NTN1: variants seen among roughly 807,000 people sequenced by gnomAD.
NTN1 encodes netrin-1.
NTN1 carries 11 observed loss-of-function variants against 54.2 expected under a neutral mutation model. The observed-to-expected ratio is 0.20, with a 90% CI of 0.13 to 0.34. The LOEUF is 0.34. Among genes scored for constraint, NTN1 ranks in the 10% least tolerant of loss-of-function variants. The pLI is 1.00. For synonymous variants in NTN1, 371 were observed against 382.0 expected, an observed-to-expected ratio of 0.97 and a Z score of 0.33; for missense variants, 740 against 893.1, an observed-to-expected ratio of 0.83 and a Z score of 2.18.
At chr17:9,044,051 C>T (rs969143863) in intron 2 of NTN1, among the ~76,000 whole-genome samples, 1 of 151,986 alleles carries the variant, frequency 6.6e-6, no homozygotes, top group Admixed American at 6.6e-5. Flanking sequence ...TAGCGTTGAC[C>T]ACTTCCCATA....
intron 5 of NTN1, among the ~76,000 whole-genome samples, chr17:9,215,250 T>TACACACACACACACACAC (rs58245153): frequency 1.4e-5 from 2 of 138,210 alleles, no homozygotes; most frequent in African/African-American, 5.4e-5. Context: ...GCTAGATAGA[T>TACACACACACACACACAC]ACACACACAC....
chr17:9,015,828 T>C, the NTN1 span, among the ~76,000 whole-genome samples: 1 of 152,142 alleles, frequency 6.6e-6, no homozygotes, highest in African/African-American at 2.4e-5. Flanking sequence ...CCCAGCACTT[T>C]GGGAGGCCAA....
chr17:9,188,619 G>A (rs990296552), intron 5 of NTN1, among the ~76,000 whole-genome samples: 1 of 152,114 alleles, frequency 6.6e-6, no homozygotes, highest in Non-Finnish European at 1.5e-5. Context: ...TTGTCTTCCT[G>A]TCGCCTCACT....
At chr17:9,084,908 C>T (rs1007790655) in intron 2 of NTN1, among the ~76,000 whole-genome samples, 3 of 152,086 alleles carry the variant, frequency 2.0e-5, no homozygotes, top group Admixed American at 2.0e-4. Context: ...GCCTCGGCCT[C>T]CCAAAGTGCT....
chr17:9,059,333 T>C (rs1158170170), intron 2 of NTN1, among the ~76,000 whole-genome samples: 1 of 152,174 alleles, frequency 6.6e-6, no homozygotes, highest in Non-Finnish European at 1.5e-5. Flanking sequence ...TATTTAGAAC[T>C]GAAAACAGGT....
the NTN1 span, among the ~76,000 whole-genome samples, chr17:9,008,655 G>T: frequency 1.3e-5 from 2 of 152,300 alleles, no homozygotes; most frequent in South Asian, 2.1e-4. Flanking sequence ...ATTGTTTAGG[G>T]CTTTGGACAC....
At chr17:9,151,980 T>C (rs2092328854) in intron 2 of NTN1, among the ~76,000 whole-genome samples, 1 of 151,748 alleles carries the variant, frequency 6.6e-6, no homozygotes, top group African/African-American at 2.4e-5. Context: ...GCGGGGAGGA[T>C]TGAAAAAAGG....
chr17:9,221,155 C>CA lies in NTN1; in HGVS notation c.1412-12dup, dbSNP rs1555577924. The stretch of plus-strand genomic sequence containing the variant: ...TTAGTTTTTGTCTGTGCTCCCCCCC[C>CA]ACCCCCCTGCAGACTGCGATTCCTA... On this transcript the variant is annotated splice_polypyrimidine_tract_variant and intron_variant, in intron 5 of 6. Transcript: ENST00000173229. The surrounding 1 kb of genome is among the most constrained non-coding windows in gnomAD (Gnocchi z 4.5). The CA allele has an allele frequency of 1.1e-4, 168 of 1,551,378 alleles. No individual in the cohort carries two copies. In the East Asian group the frequency reaches 3.6e-3, roughly 33 times the overall value.
intron 2 of NTN1, among the ~76,000 whole-genome samples, chr17:9,077,217 A>G (rs1212143996): frequency 1.3e-5 from 2 of 152,234 alleles, no homozygotes; most frequent in Admixed American, 6.5e-5. Flanking sequence ...TTCAAAAGAA[A>G]AAAAAAGGAA....
chr17:9,205,130 A>G (rs1230709921), intron 5 of NTN1, among the ~76,000 whole-genome samples: 1 of 152,194 alleles, frequency 6.6e-6, no homozygotes, highest in African/African-American at 2.4e-5. Context: ...AAGTGCAGCA[A>G]CTTCTTGAAT....
At chr17:9,180,951 G>A (rs1236395559) in intron 4 of NTN1, among the ~76,000 whole-genome samples, 1 of 152,210 alleles carries the variant, frequency 6.6e-6, no homozygotes, top group African/African-American at 2.4e-5. Context: ...TTAGACAGCT[G>A]GGAGGAAATC....
chr17:9,202,053 CACAAAAAAAAAAAAAA>C (rs1904808380), intron 5 of NTN1, among the ~76,000 whole-genome samples: 14 of 23,530 alleles, frequency 5.9e-4, no homozygotes, highest in East Asian at 4.8e-3. Context: ...CACACACACA[CACAAAAAAAAAAAAAA>C]AAAAAAAAAA....
At chr17:9,010,150 A>T in the NTN1 span, among the ~76,000 whole-genome samples, 1 of 152,164 alleles carries the variant, frequency 6.6e-6, no homozygotes, top group South Asian at 2.1e-4. Context: ...GTCCCCAAGG[A>T]TCTTAAGCTG....
At chr17:9,237,196 A>G (rs77968791) in intron 6 of NTN1, among the ~76,000 whole-genome samples, 2,343 of 152,210 alleles carry the variant, frequency 0.015, 56 homozygotes, top group African/African-American at 0.053. Context: ...TGGAGTCTGG[A>G]AGTCCAAGAT....
In NTN1 at chr17:9,221,147, T is replaced by TGGCCCCCC; in HGVS notation, c.1412-21_1412-20insGGCCCCCC. ...CAGCCTAATTAGTTTTTGTCTGTGC[T>TGGCCCCCC]CCCCCCCCACCCCCCTGCAGACTGC... On this transcript the variant is annotated intron_variant, in intron 5 of 6. Transcript: ENST00000173229. The surrounding 1 kb of genome is among the most constrained non-coding windows in gnomAD (Gnocchi z 4.5). The TGGCCCCCC allele has an allele frequency of 2.3e-6, 3 of 1,303,796 alleles. No individual in the cohort carries two copies. The highest frequency in any genetic ancestry group is 3.1e-6 in the Non-Finnish European group (3 of 952,868). 80.8% of individuals were successfully genotyped at this position (1,303,796 alleles called of 1,614,324 possible).
At chr17:9,105,624 G>A (rs1055293252) in intron 2 of NTN1, among the ~76,000 whole-genome samples, 6 of 152,102 alleles carry the variant, frequency 3.9e-5, no homozygotes, top group African/African-American at 1.4e-4. Context: ...CCTAAAAGAT[G>A]TTTGGTTCCT....
intron 2 of NTN1, among the ~76,000 whole-genome samples, chr17:9,091,263 T>C (rs749618080): frequency 6.6e-6 from 1 of 152,198 alleles, no homozygotes; most frequent in Non-Finnish European, 1.5e-5. Flanking sequence ...CATTTTTCTC[T>C]ATGTTTTAGA....
At chr17:9,076,615 A>G (rs2092050915) in intron 2 of NTN1, among the ~76,000 whole-genome samples, 1 of 152,014 alleles carries the variant, frequency 6.6e-6, no homozygotes, top group Admixed American at 6.6e-5. Context: ...GGCTCAAGTG[A>G]TCTTCTCACC....
At chr17:9,067,735 C>G (rs769052857) in intron 2 of NTN1, among the ~76,000 whole-genome samples, 2 of 152,138 alleles carry the variant, frequency 1.3e-5, no homozygotes, top group Admixed American at 6.6e-5. Context: ...AGGCCTGGAT[C>G]GGGAGTTAGT....
Sources: allele counts gnomAD v4.1 joint callset (sites outside exome capture counted in the v4.1 genomes callset), GRCh38; gene constraint gnomAD v4.1.1; non-coding constraint Gnocchi (gnomAD v3.1); transcripts MANE v1.5; gene names NCBI Gene and HGNC (gene_info 2026-07-23, HGNC 2026-07-21).